Variants in CHCHD6 observed in about 807,000 individuals in gnomAD.
CHCHD6 encodes the protein coiled-coil-helix-coiled-coil-helix domain containing 6.
Under a neutral mutation model 32.3 loss-of-function variants are expected in CHCHD6, and 28 were observed. The ratio of observed to expected loss-of-function variants is 0.87; its 90% confidence interval spans 0.64 to 1.19. CHCHD6 has a LOEUF of 1.19. CHCHD6 is among the 50% of genes most tolerant of loss of function. The pLI is 0.00. For synonymous variants in CHCHD6, 122 were observed against 117.5 expected, an observed-to-expected ratio of 1.04 and a Z score of -0.25; for missense variants, 333 against 307.0, an observed-to-expected ratio of 1.08 and a Z score of -0.63.
intron 4 of CHCHD6, among the ~76,000 whole-genome samples, chr3:126,827,490 A>G (rs921865018): frequency 6.6e-6 from 1 of 152,202 alleles, no homozygotes; most frequent in Non-Finnish European, 1.5e-5. Context: ...TGACTGCCCA[A>G]TCAGCCTTGT....
chr3:126,789,776 C>T (rs1044613045), intron 4 of CHCHD6, among the ~76,000 whole-genome samples: 6 of 152,154 alleles, frequency 3.9e-5, no homozygotes, highest in African/African-American at 1.4e-4. Context: ...GACTCTTTAT[C>T]CAATTTGCCA....
chr3:126,726,536 C>T (rs1359411112), intron 1 of CHCHD6, among the ~76,000 whole-genome samples: 1 of 148,148 alleles, frequency 6.8e-6, no homozygotes, highest in Non-Finnish European at 1.5e-5. Context: ...AGGCTTGCCA[C>T]AGACCTTCAA....
At chr3:126,957,674 C>G in intron 7 of CHCHD6, 123 bp downstream of exon 7, 1 of 1,208,892 alleles carries the variant, frequency 8.3e-7, no homozygotes, top group South Asian at 1.3e-5. Flanking sequence ...ACTTGGAGGT[C>G]TCTGCATTTG....
chr3:126,825,013 A>G (rs1191411602), intron 4 of CHCHD6, among the ~76,000 whole-genome samples: 1 of 152,114 alleles, frequency 6.6e-6, no homozygotes, highest in East Asian at 1.9e-4. Flanking sequence ...GGGAACTTAG[A>G]TTGATTTTAA....
intron 4 of CHCHD6, among the ~76,000 whole-genome samples, chr3:126,773,298 A>C (rs920203001): frequency 1.3e-5 from 2 of 152,144 alleles, no homozygotes; most frequent in African/African-American, 4.8e-5. Context: ...AATTAGGTGA[A>C]AGGGAGAAGT....
intron 4 of CHCHD6, among the ~76,000 whole-genome samples, chr3:126,770,795 G>A (rs370911919): frequency 8.6e-4 from 131 of 152,248 alleles, no homozygotes; most frequent in African/African-American, 2.9e-3. Flanking sequence ...TTCTCTTTTT[G>A]TTGTGTCTCT....
chr3:126,888,721 C>T (rs532238194), intron 5 of CHCHD6, among the ~76,000 whole-genome samples: 3 of 152,328 alleles, frequency 2.0e-5, no homozygotes, highest in Admixed American at 6.5e-5. Context: ...CATAGACCTG[C>T]TCTCTGGGTG....
intron 7 of CHCHD6, among the ~76,000 whole-genome samples, chr3:126,958,969 G>A (rs1368656131): frequency 2.6e-5 from 4 of 152,190 alleles, no homozygotes; most frequent in Non-Finnish European, 5.9e-5. Flanking sequence ...ACTCTTTACC[G>A]AGGGATCTGC....
intron 4 of CHCHD6, among the ~76,000 whole-genome samples, chr3:126,838,317 T>G (rs1010966301): frequency 6.6e-6 from 1 of 152,174 alleles, no homozygotes; most frequent in Admixed American, 6.5e-5. Flanking sequence ...GTTTCTGAGT[T>G]GCCTCTCCCT....
At position 126,933,356 on chromosome 3, in the gene CHCHD6, G is replaced by T. The variant is rs377703261; in HGVS notation, c.566+18606G>T. 3.3e-4 allele frequency among the ~76,000 whole-genome samples: 50 copies of T among 152,316 alleles called. No homozygotes were observed. The South Asian group carries it at 8.9e-3, about 27-fold the overall frequency. On this transcript the variant is annotated intron_variant, in intron 6 of 7. Transcript: ENST00000290913. ...TGGCTCAGGAAGCTTTTGGTGGCAA[G>T]TTAAATTTCATCTCAATATTCTTGT...
chr3:126,933,628 T>C (rs539443006), intron 6 of CHCHD6, among the ~76,000 whole-genome samples: 1 of 152,182 alleles, frequency 6.6e-6, no homozygotes, highest in African/African-American at 2.4e-5. Flanking sequence ...CATTATTCGC[T>C]CATTACCATG....
chr3:126,766,311 A>G (rs1937369017), intron 4 of CHCHD6: 1 of 372,356 alleles, frequency 2.7e-6, no homozygotes, highest in South Asian at 2.5e-5. Flanking sequence ...ATGGAGTCTA[A>G]ACAAAAATGC....
rs148853593 is a variant in CHCHD6, at chr3:126,755,040, C to G, written c.411+21818C>G. Among the ~76,000 whole-genome samples, 1,183 of 152,210 alleles carry G rather than the reference C, an allele frequency of 7.8e-3. 13 individuals carry two copies. The highest frequency in any genetic ancestry group is 0.027 in the African/African-American group (1,111 of 41,532). On this transcript the variant is annotated intron_variant, in intron 4 of 7. Transcript: ENST00000290913. ...GAGAGAATCCAAGCTCCTCGAGTAC[C>G]TGAAGAACGATGGCCTGGAAAAGAG...
intron 5 of CHCHD6, among the ~76,000 whole-genome samples, chr3:126,884,356 C>T (rs2107574702): frequency 6.6e-6 from 1 of 152,258 alleles, no homozygotes; most frequent in Non-Finnish European, 1.5e-5. Flanking sequence ...CATTTGTGTA[C>T]TTAATGTTGG....
chr3:126,922,810 A>G (rs900018943), intron 6 of CHCHD6, among the ~76,000 whole-genome samples: 2 of 152,200 alleles, frequency 1.3e-5, no homozygotes, highest in South Asian at 2.1e-4. Flanking sequence ...GAGTTCTGTC[A>G]CCTTTGTAAC....
intron 6 of CHCHD6, among the ~76,000 whole-genome samples, chr3:126,929,663 T>C (rs76198693): frequency 6.6e-6 from 1 of 152,138 alleles, no homozygotes; most frequent in East Asian, 1.9e-4. Flanking sequence ...CCTCCTGGGT[T>C]CAAGCGATTC....
rs188760581 is a variant in CHCHD6 at position 126,797,369 on chromosome 3, A to G, written c.412-55278A>G. On this transcript the variant is annotated intron_variant, in intron 4 of 7. Transcript: ENST00000290913. ...CAAGAAACTAGACTTTCCATATTTG[A>G]CATAGAGCTTCCCAGGAAGTCATTT... Among the ~76,000 whole-genome samples, 494 of 152,314 alleles carry G rather than the reference A, an allele frequency of 3.2e-3. 1 individual carries two copies. Among genetic ancestry groups the G allele is most frequent in the East Asian group, 7.5e-3 (39 of 5,188 alleles).
At chr3:126,832,883 G>A (rs576285217) in intron 4 of CHCHD6, among the ~76,000 whole-genome samples, 1 of 152,278 alleles carries the variant, frequency 6.6e-6, no homozygotes, top group Non-Finnish European at 1.5e-5. Flanking sequence ...TTCTCCCCCA[G>A]CCAAGGTCTA....
chr3:126,796,910 G>A (rs1331241129), intron 4 of CHCHD6, among the ~76,000 whole-genome samples: 1 of 152,192 alleles, frequency 6.6e-6, no homozygotes, highest in Non-Finnish European at 1.5e-5. Flanking sequence ...GAAGCCTTGG[G>A]TACAGGGCCA....
Sources: allele counts gnomAD v4.1 joint callset (sites outside exome capture counted in the v4.1 genomes callset), GRCh38; gene constraint gnomAD v4.1.1; transcripts MANE v1.5; gene names NCBI Gene and HGNC (gene_info 2026-07-23, HGNC 2026-07-21).